Variants in COMMD7 observed in about 807,000 individuals in gnomAD.
The protein encoded by COMMD7 is COMM domain containing 7.
In COMMD7, 28 loss-of-function variants were observed where a neutral mutation model predicts 34.8. The ratio of observed to expected loss-of-function variants is 0.80; its 90% CI spans 0.60 to 1.10. The LOEUF is 1.10. Ranked by LOEUF, COMMD7 falls within the 50% of genes least tolerant of loss-of-function variation. The pLI is 0.00. For missense variants in COMMD7, 211 were observed against 241.6 expected, an observed-to-expected ratio of 0.87 and a Z score of 0.84; for synonymous variants, 80 against 86.4, an observed-to-expected ratio of 0.93 and a Z score of 0.41.
intron 3 of COMMD7, 149 bp downstream of exon 3, chr20:32,727,744 G>T: frequency 1.5e-6 from 1 of 657,678 alleles, no homozygotes; most frequent in Non-Finnish European, 2.7e-6. Context: ...CTGTTACGTG[G>T]GCTCCCTCCA....
chr20:32,732,951 A>G (rs1361070496), intron 1 of COMMD7, among the ~76,000 whole-genome samples: 1 of 151,690 alleles, frequency 6.6e-6, no homozygotes, highest in Non-Finnish European at 1.5e-5. Flanking sequence ...AAAAGAAAAA[A>G]GAAGGTCGGA....
rs767670465 is a variant in COMMD7 at position 32,720,143 on chromosome 20, A to C, written c.241+7750T>G. The stretch of plus-strand genomic sequence containing the variant: ...AAACTCAAATCAGAGTGAGCCTGAA[A>C]AGCCCATCTCTTCACTGGTATGCTG... On this transcript the variant is annotated intron_variant, in intron 3 of 8. Transcript: ENST00000278980. Among the ~76,000 whole-genome samples, 3 of 152,212 alleles carry C rather than the reference A, an allele frequency of 2.0e-5. No individual in the cohort carries two copies. The East Asian group carries it at 5.8e-4, about 29-fold the overall frequency.
At chr20:32,707,302 T>C (rs1191690675) in intron 3 of COMMD7, among the ~76,000 whole-genome samples, 1 of 128,304 alleles carries the variant, frequency 7.8e-6, no homozygotes, top group African/African-American at 2.8e-5. Context: ...AAAATATATA[T>C]ATATATACTT....
chr20:32,714,553 C>G (rs577161838), intron 3 of COMMD7, among the ~76,000 whole-genome samples: 1 of 151,588 alleles, frequency 6.6e-6, no homozygotes, highest in Non-Finnish European at 1.5e-5. Flanking sequence ...AGGCCAGGCA[C>G]GGTGGCTCAT....
chr20:32,705,374 ATATT>A (rs970738994), intron 5 of COMMD7, among the ~76,000 whole-genome samples: 1 of 93,180 alleles, frequency 1.1e-5, no homozygotes, highest in African/African-American at 4.4e-5. Context: ...ATATATATAT[ATATT>A]TTTTTTTTTC....
intron 1 of COMMD7, 43 bp downstream of exon 1, chr20:32,743,265 A>C (rs1228439717): frequency 4.1e-5 from 25 of 607,620 alleles, no homozygotes; most frequent in Non-Finnish European, 6.8e-5. Flanking sequence ...CGGATCCTGG[A>C]ATCACCTGGG....
intron 3 of COMMD7, among the ~76,000 whole-genome samples, chr20:32,721,167 C>G (rs1432647189): frequency 1.3e-5 from 2 of 152,080 alleles, no homozygotes; most frequent in Non-Finnish European, 2.9e-5. Context: ...AGGCTGAAGG[C>G]AATCTAACAG....
intron 3 of COMMD7, among the ~76,000 whole-genome samples, chr20:32,725,711 A>G (rs1338304639): frequency 1.3e-5 from 2 of 152,052 alleles, no homozygotes; most frequent in East Asian, 1.9e-4. Context: ...TACAGGCGTG[A>G]GCCACCACAC....
chr20:32,735,508 G>A (rs896513568), intron 1 of COMMD7, among the ~76,000 whole-genome samples: 4 of 151,886 alleles, frequency 2.6e-5, no homozygotes, highest in Middle Eastern at 3.2e-3. Context: ...GTGGAGACAG[G>A]GTTTCACCAT....
At chr20:32,720,259 C>A (rs1985067633) in intron 3 of COMMD7, among the ~76,000 whole-genome samples, 1 of 152,154 alleles carries the variant, frequency 6.6e-6, no homozygotes, top group Non-Finnish European at 1.5e-5. Flanking sequence ...CTTTGGGAGG[C>A]TGAGGTGGGC....
At chr20:32,705,936 C>T (rs571549238) in intron 5 of COMMD7, among the ~76,000 whole-genome samples, 5 of 152,086 alleles carry the variant, frequency 3.3e-5, no homozygotes, top group Admixed American at 6.6e-5. Context: ...TGGTGGTTCA[C>T]GACTGTAATC....
intron 1 of COMMD7, among the ~76,000 whole-genome samples, chr20:32,741,395 G>GTTTT (rs200988856): frequency 7.0e-6 from 1 of 143,272 alleles, no homozygotes; most frequent in African/African-American, 2.6e-5. Context: ...CTAGAAAGTT[G>GTTTT]TTTTTTTTTT....
At chr20:32,730,153 C>G (rs1442276696) in intron 1 of COMMD7, among the ~76,000 whole-genome samples, 1 of 127,336 alleles carries the variant, frequency 7.9e-6, no homozygotes, top group African/African-American at 2.5e-5. Context: ...TATCATGTCC[C>G]TCCCTGGCCT....
intron 5 of COMMD7, among the ~76,000 whole-genome samples, chr20:32,705,377 T>TATATATA (rs1491348866): frequency 3.6e-5 from 3 of 84,436 alleles, no homozygotes; most frequent in African/African-American, 1.0e-4. Flanking sequence ...TATATATATA[T>TATATATA]TTTTTTTTTT....
chr20:32,718,565 G>A (rs997676032), intron 3 of COMMD7, among the ~76,000 whole-genome samples: 3 of 152,048 alleles, frequency 2.0e-5, no homozygotes, highest in East Asian at 1.9e-4. Context: ...TGGGCGTGAC[G>A]GCATGGGCCT....
At position 32,725,379 on chromosome 20, in the gene COMMD7, G is replaced by T. The variant is rs917254044; in HGVS notation, c.241+2514C>A. On this transcript the variant is annotated intron_variant, in intron 3 of 8. Transcript: ENST00000278980. ...ATCTCTAGGGACAAAAGTAGGAGGA[G>T]AGTAAAAGAGGATTTTTACTTTTGA... Among the ~76,000 whole-genome samples, 6 of 151,490 alleles carry T rather than the reference G, an allele frequency of 4.0e-5. No individual in the cohort carries two copies. In the East Asian group the frequency reaches 5.8e-4, roughly 15 times the overall value.
chr20:32,707,756 T>G (rs772338523), intron 3 of COMMD7, among the ~76,000 whole-genome samples: 70 of 151,924 alleles, frequency 4.6e-4, no homozygotes, highest in Non-Finnish European at 6.5e-4. Context: ...GGATACGAAT[T>G]CCTGGAGCAA....
At position 32,714,094 on chromosome 20, in the gene COMMD7, T is replaced by TA. The variant is rs1306014820; in HGVS notation, c.242-7335dup. ...TGCCACTGCACTCCAGCCTGGGCAA[T>TA]AGAGTGTGACTCTGTCTTAAAAACA... On this transcript the variant is annotated intron_variant, in intron 3 of 8. Transcript: ENST00000278980. Among the ~76,000 whole-genome samples, 10 of 151,744 alleles carry TA rather than the reference T, an allele frequency of 6.6e-5. 1 individual carries two copies. The Middle Eastern group carries it at 0.024, about 361-fold the overall frequency.
intron 1 of COMMD7, among the ~76,000 whole-genome samples, chr20:32,733,877 T>C (rs1457769710): frequency 6.8e-6 from 1 of 147,920 alleles, no homozygotes; most frequent in Admixed American, 6.8e-5. Flanking sequence ...GTGGAACTCC[T>C]TCTCAAAAAA....
Sources: gnomAD v4.1 joint callset for allele counts (sites outside exome capture counted in the v4.1 genomes callset) on GRCh38, gnomAD v4.1.1 for gene constraint, MANE v1.5 for transcripts, NCBI Gene and HGNC (gene_info 2026-07-23, HGNC 2026-07-21) for gene names.